The following MCTP1 variants were observed in gnomAD, a reference collection of about 807,000 sequenced individuals.
MCTP1 encodes multiple C2 and transmembrane domain containing 1.
MCTP1 carries 69 observed loss-of-function variants against 120.6 expected under a neutral mutation model. That is an observed-to-expected ratio of 0.57 (90% CI 0.47 to 0.70). The LOEUF (loss-of-function observed/expected upper bound fraction) is 0.70, where lower values mean the gene tolerates loss of function less well. Among genes scored for constraint, MCTP1 ranks in the 30% least tolerant of loss-of-function variants. The pLI, the probability that MCTP1 is intolerant of heterozygous loss-of-function variation, is 0.00. For missense variants in MCTP1, 1,203 were observed against 1,248.8 expected (o/e 0.96, Z 0.55); for synonymous variants, 529 against 493.1 (o/e 1.07, Z -0.96).
At chr5:94,775,542 A>G (rs572400066) in intron 19 of MCTP1, among the ~76,000 whole-genome samples, 2 of 152,324 alleles carry the variant, frequency 1.3e-5, no homozygotes, top group Non-Finnish European at 2.9e-5. Context: ...AGGTCAAAAA[A>G]TCAGATCAAA....
At chr5:94,720,909 C>G (rs993545160) in intron 19 of MCTP1, among the ~76,000 whole-genome samples, 1 of 152,126 alleles carries the variant, frequency 6.6e-6, no homozygotes, top group African/African-American at 2.4e-5. Flanking sequence ...ATACTCACAA[C>G]CATCCTACAA....
At chr5:95,077,622 G>A (rs993543541) in intron 1 of MCTP1, among the ~76,000 whole-genome samples, 9 of 151,964 alleles carry the variant, frequency 5.9e-5, no homozygotes, top group Non-Finnish European at 8.8e-5. Flanking sequence ...ACAGGCGCTC[G>A]CCACCACGCC....
At chr5:94,993,986 A>G (rs1832112216) in intron 2 of MCTP1, among the ~76,000 whole-genome samples, 2 of 152,180 alleles carry the variant, frequency 1.3e-5, no homozygotes, top group Non-Finnish European at 2.9e-5. Flanking sequence ...AGGAACTACC[A>G]AAGTCAAGCA....
At chr5:94,720,919 A>G (rs1246625449) in intron 19 of MCTP1, among the ~76,000 whole-genome samples, 2 of 152,154 alleles carry the variant, frequency 1.3e-5, no homozygotes, top group South Asian at 4.1e-4. Context: ...CCATCCTACA[A>G]TGTAGTTATT....
At chr5:95,086,287 G>C (rs1407241432) in intron 1 of MCTP1, among the ~76,000 whole-genome samples, 1 of 152,102 alleles carries the variant, frequency 6.6e-6, no homozygotes, top group Non-Finnish European at 1.5e-5. Flanking sequence ...AAACATGAAG[G>C]AGACCATAGA....
intron 9 of MCTP1, among the ~76,000 whole-genome samples, chr5:94,909,718 T>C (rs1265105566): frequency 6.6e-6 from 1 of 152,098 alleles, no homozygotes; most frequent in Non-Finnish European, 1.5e-5. Context: ...TACATAATCA[T>C]AGTTAATGCA....
chr5:94,922,648 C>T (rs979882688), intron 7 of MCTP1, among the ~76,000 whole-genome samples: 4 of 152,126 alleles, frequency 2.6e-5, no homozygotes, highest in Admixed American at 6.5e-5. Context: ...GCCACCATGC[C>T]TGGCTAATTT....
rs565770220 is a variant in MCTP1 at position 94,723,067 on chromosome 5, TA to T, written c.2611-8182del. ...GCCAATCTTTCTTCTTTTTCAGATA[TA>T]AAAAAAACATGTTTCAACCTGAAAT... On this transcript the variant is annotated intron_variant, in intron 19 of 22. Coordinates refer to ENST00000515393, the MANE Select transcript of MCTP1 (RefSeq NM_024717.7). 2.1e-4 allele frequency among the ~76,000 whole-genome samples: 32 copies of T among 152,052 alleles called. 1 individual carries two copies. In the South Asian group the frequency reaches 6.2e-3, roughly 30 times the overall value.
chr5:95,247,425 T>C (rs189084509), intron 1 of MCTP1, among the ~76,000 whole-genome samples: 2 of 152,310 alleles, frequency 1.3e-5, no homozygotes, highest in Non-Finnish European at 2.9e-5. Context: ...TATTCCTTGC[T>C]TCTGCTAGCT....
At chr5:95,019,573 T>C (rs1837803557) in intron 1 of MCTP1, among the ~76,000 whole-genome samples, 1 of 152,102 alleles carries the variant, frequency 6.6e-6, no homozygotes, top group Non-Finnish European at 1.5e-5. Context: ...GGTGCTTTCA[T>C]TTCTCTTGAA....
chr5:94,776,260 C>A (rs147646799), intron 19 of MCTP1, among the ~76,000 whole-genome samples: 283 of 152,226 alleles, frequency 1.9e-3, no homozygotes, highest in African/African-American at 6.7e-3. Flanking sequence ...TGTCAAGTAG[C>A]CAATGACTTG....
chr5:95,074,641 A>G (rs1753101429), intron 1 of MCTP1, among the ~76,000 whole-genome samples: 1 of 152,206 alleles, frequency 6.6e-6, no homozygotes, highest in Admixed American at 6.5e-5. Context: ...GTGTGATTAC[A>G]AGTATATGTG....
intron 1 of MCTP1, among the ~76,000 whole-genome samples, chr5:95,061,146 A>G (rs576280001): frequency 1.4e-3 from 220 of 151,914 alleles, no homozygotes; most frequent in African/African-American, 5.1e-3. Flanking sequence ...TGACATGAGT[A>G]TAACCTATGA....
At chr5:94,900,599 T>A (rs1805256126) in intron 10 of MCTP1, among the ~76,000 whole-genome samples, 1 of 152,248 alleles carries the variant, frequency 6.6e-6, no homozygotes, top group African/African-American at 2.4e-5. Context: ...CAGGTCCTTT[T>A]AGATTTGGAG....
intron 8 of MCTP1, among the ~76,000 whole-genome samples, chr5:94,916,619 T>C (rs1354194414): frequency 6.6e-6 from 1 of 152,224 alleles, no homozygotes; most frequent in African/African-American, 2.4e-5. Flanking sequence ...CTTTGCAAAC[T>C]ATGAAATTCT....
intron 1 of MCTP1, among the ~76,000 whole-genome samples, chr5:95,272,141 G>A (rs1410645516): frequency 1.3e-5 from 2 of 152,164 alleles, no homozygotes; most frequent in Non-Finnish European, 2.9e-5. Context: ...CATAAACCAT[G>A]CCTGGTAAAG....
At chr5:95,259,369 C>T (rs1388244321) in intron 1 of MCTP1, among the ~76,000 whole-genome samples, 1 of 152,252 alleles carries the variant, frequency 6.6e-6, no homozygotes, top group African/African-American at 2.4e-5. Context: ...TGGTATCCTG[C>T]CCAATATGCC....
intron 19 of MCTP1, among the ~76,000 whole-genome samples, chr5:94,763,842 T>G (rs1200099225): frequency 6.6e-6 from 1 of 152,224 alleles, no homozygotes; most frequent in Non-Finnish European, 1.5e-5. Flanking sequence ...TCTGAGACTT[T>G]GATTACTGCT....
chr5:94,714,987 CTTCA>C, intron 19 of MCTP1, 101 bp from the exon 20 acceptor site: 1 of 724,882 alleles, frequency 1.4e-6, no homozygotes, highest in East Asian at 2.6e-5. Context: ...CTTAAATAAA[CTTCA>C]TTTTCGTGTG....
Sources: allele counts gnomAD v4.1 joint callset (sites outside exome capture counted in the v4.1 genomes callset), GRCh38; gene constraint gnomAD v4.1.1; transcripts MANE v1.5; gene names NCBI Gene and HGNC (gene_info 2026-07-23, HGNC 2026-07-21).